CDC42SE2: variants seen among roughly 807,000 people sequenced by gnomAD.
CDC42SE2 encodes the protein CDC42 small effector protein 2.
In CDC42SE2, 3 loss-of-function variants were observed where a neutral mutation model predicts 11.5. The ratio of observed to expected loss-of-function variants is 0.26; its 90% CI spans 0.12 to 0.67. The LOEUF is 0.67. CDC42SE2 is among the 30% of genes least tolerant of loss of function. The pLI, the probability that CDC42SE2 is intolerant of heterozygous loss-of-function variation, is 0.80. For missense variants in CDC42SE2, 82 were observed against 106.8 expected, an observed-to-expected ratio of 0.77 and a Z score of 1.02; for synonymous variants, 33 against 34.8, an observed-to-expected ratio of 0.95 and a Z score of 0.18.
chr5:131,343,115 T>C (rs1463678865), intron 2 of CDC42SE2, among the ~76,000 whole-genome samples: 3 of 152,116 alleles, frequency 2.0e-5, no homozygotes, highest in African/African-American at 7.2e-5. Context: ...AATTTTAGTA[T>C]GCATTGCTTG....
the CDC42SE2 span, among the ~76,000 whole-genome samples, chr5:131,216,366 G>C: frequency 7.9e-5 from 12 of 152,046 alleles, no homozygotes; most frequent in East Asian, 2.1e-3. Context: ...GCCGGGCATG[G>C]TGGTGTGTGC....
At chr5:131,249,616 T>C (rs939289015) in intron 1 of CDC42SE2, among the ~76,000 whole-genome samples, 2 of 152,242 alleles carry the variant, frequency 1.3e-5, no homozygotes, top group African/African-American at 4.8e-5. Context: ...ATGACTTTAC[T>C]GTCAAAAACA....
chr5:131,383,875 A>G (rs145602800), intron 3 of CDC42SE2, among the ~76,000 whole-genome samples: 1,645 of 152,340 alleles, frequency 0.011, 33 homozygotes, highest in African/African-American at 0.036. Flanking sequence ...GAAGAGGATA[A>G]AGCAGAGTTA....
chr5:131,350,641 A>ATG (rs1415439787), intron 2 of CDC42SE2, among the ~76,000 whole-genome samples: 1 of 149,076 alleles, frequency 6.7e-6, no homozygotes, highest in Non-Finnish European at 1.5e-5. Flanking sequence ...GTGTGTGTAT[A>ATG]TATATATGTA....
At chr5:131,283,608 C>G (rs895982496) in intron 1 of CDC42SE2, among the ~76,000 whole-genome samples, 3 of 151,904 alleles carry the variant, frequency 2.0e-5, no homozygotes, top group East Asian at 1.9e-4. Context: ...ATTCTCCTGC[C>G]TCAGCCTCCC....
chr5:131,344,364 A>G (rs114147737), intron 2 of CDC42SE2, among the ~76,000 whole-genome samples: 5,981 of 152,280 alleles, frequency 0.039, 369 homozygotes, highest in African/African-American at 0.13. Context: ...CCTGCGCCTG[A>G]CTAAGAGGGT....
chr5:131,378,648 T>TA (rs1044182586), intron 3 of CDC42SE2, among the ~76,000 whole-genome samples: 1 of 152,202 alleles, frequency 6.6e-6, no homozygotes, highest in African/African-American at 2.4e-5. Flanking sequence ...TATTTGCCTT[T>TA]AAAAAATAAG....
the CDC42SE2 span, among the ~76,000 whole-genome samples, chr5:131,226,575 G>A: frequency 6.6e-5 from 10 of 152,184 alleles, no homozygotes; most frequent in Admixed American, 2.6e-4. Flanking sequence ...ACTTTGTAGA[G>A]ATTACAGAAC....
At chr5:131,389,032 C>T (rs1024927483) in intron 4 of CDC42SE2, among the ~76,000 whole-genome samples, 6 of 152,058 alleles carry the variant, frequency 3.9e-5, no homozygotes, top group Non-Finnish European at 5.9e-5. Flanking sequence ...GATGGGGTTT[C>T]GCTATGTTTT....
At chr5:131,263,044 G>T (rs1756765249), upstream of CDC42SE2, among the ~76,000 whole-genome samples, 1 of 151,438 alleles carries the variant, frequency 6.6e-6, no homozygotes, top group Admixed American at 6.6e-5. Context: ...CGTAACTCCT[G>T]GCCTCAGCCT....
the CDC42SE2 span, among the ~76,000 whole-genome samples, chr5:131,226,589 G>A: frequency 6.6e-6 from 1 of 152,176 alleles, no homozygotes; most frequent in African/African-American, 2.4e-5. Context: ...ACAGAACACT[G>A]GCTTTAAACT....
the CDC42SE2 span, among the ~76,000 whole-genome samples, chr5:131,219,041 A>T: frequency 1.3e-5 from 2 of 152,270 alleles, no homozygotes; most frequent in Non-Finnish European, 2.9e-5. Flanking sequence ...CTAGGGTGCT[A>T]GCAATAGTCT....
chr5:131,384,930 A>AT (rs1396337085), intron 3 of CDC42SE2, among the ~76,000 whole-genome samples: 6 of 151,572 alleles, frequency 4.0e-5, no homozygotes, highest in Non-Finnish European at 7.4e-5. Context: ...AAAAAAAAAA[A>AT]AAAAATTAAG....
At chr5:131,346,351 TC>T (rs1455625219) in intron 2 of CDC42SE2, among the ~76,000 whole-genome samples, 1 of 152,092 alleles carries the variant, frequency 6.6e-6, no homozygotes, top group African/African-American at 2.4e-5. Flanking sequence ...GGGGTTGCAA[TC>T]CTAGTCTCTG....
intron 2 of CDC42SE2, among the ~76,000 whole-genome samples, chr5:131,345,243 G>T (rs1422045818): frequency 6.6e-6 from 1 of 152,080 alleles, no homozygotes; most frequent in African/African-American, 2.4e-5. Context: ...TCGCAAAGAA[G>T]CTAAAAACCT....
intron 2 of CDC42SE2, among the ~76,000 whole-genome samples, chr5:131,351,198 C>T (rs1185757854): frequency 6.6e-6 from 1 of 152,106 alleles, no homozygotes; most frequent in African/African-American, 2.4e-5. Context: ...AATCCACCCT[C>T]CTTGGTCTCC....
At chr5:131,342,467 G>T (rs1758735198) in intron 2 of CDC42SE2, among the ~76,000 whole-genome samples, 1 of 136,148 alleles carries the variant, frequency 7.3e-6, no homozygotes, top group South Asian at 2.4e-4. Context: ...TCAGCCCACT[G>T]CAACCTCCGC....
At chr5:131,264,836 C>T (rs1474764853) in intron 1 of CDC42SE2, among the ~76,000 whole-genome samples, 1 of 152,220 alleles carries the variant, frequency 6.6e-6, no homozygotes, top group Admixed American at 6.5e-5. Flanking sequence ...AAAAGCGCCC[C>T]GATCCGCTGA....
At position 131,330,592 on chromosome 5, in the gene CDC42SE2, G is replaced by C. The variant is rs189764838; in HGVS notation, c.-286+14448G>C. The stretch of plus-strand genomic sequence containing the variant: ...GGGAATCACTCTCCAGGGGCATTTG[G>C]CAGTGTCTGGAGACATTTTTGGTTG... On this transcript the variant is annotated intron_variant, in intron 2 of 4. Coordinates refer to ENST00000505065, the MANE Select transcript of CDC42SE2 (RefSeq NM_001375635.1). 2.0e-3 allele frequency among the ~76,000 whole-genome samples: 301 copies of C among 152,216 alleles called. 1 individual carries two copies. The highest frequency in any genetic ancestry group is 7.0e-3 in the African/African-American group (290 of 41,526).
Sources: allele counts gnomAD v4.1 joint callset (sites outside exome capture counted in the v4.1 genomes callset), GRCh38; gene constraint gnomAD v4.1.1; transcripts MANE v1.5; gene names NCBI Gene and HGNC (gene_info 2026-07-23, HGNC 2026-07-21).